CTNNA3: variants seen among roughly 807,000 people sequenced by gnomAD.
CTNNA3 encodes the protein catenin alpha 3, also known as catenin alpha-3.
CTNNA3 carries 76 observed loss-of-function variants against 95.7 expected under a neutral mutation model. The observed-to-expected ratio is 0.79, with a 90% confidence interval of 0.66 to 0.96. CTNNA3 has a LOEUF of 0.96. Among genes scored for constraint, CTNNA3 ranks in the 40% least tolerant of loss-of-function variants. The pLI, the probability that CTNNA3 is intolerant of heterozygous loss-of-function variation, is 0.00. For missense variants in CTNNA3, 1,191 were observed against 1,089.8 expected, an observed-to-expected ratio of 1.09 and a Z score of -1.31; for synonymous variants, 431 against 374.4, an observed-to-expected ratio of 1.15 and a Z score of -1.74.
At chr10:66,800,033 T>C (rs1841368646) in intron 7 of CTNNA3, among the ~76,000 whole-genome samples, 1 of 151,334 alleles carries the variant, frequency 6.6e-6, no homozygotes, top group Non-Finnish European at 1.5e-5. Flanking sequence ...GAGAATTAGT[T>C]CTAGATATCA....
chr10:67,065,365 CT>C (rs1356770149), intron 7 of CTNNA3, among the ~76,000 whole-genome samples: 1 of 151,982 alleles, frequency 6.6e-6, no homozygotes, highest in Non-Finnish European at 1.5e-5. Flanking sequence ...AATGAGGAGG[CT>C]TTATAATTAA....
chr10:67,084,792 A>G (rs1857215820), intron 7 of CTNNA3, among the ~76,000 whole-genome samples: 1 of 152,004 alleles, frequency 6.6e-6, no homozygotes, highest in Non-Finnish European at 1.5e-5. Context: ...ATCTGCCTAG[A>G]CTACGTTTAT....
chr10:66,457,719 C>A (rs907473890), intron 11 of CTNNA3, among the ~76,000 whole-genome samples: 2 of 151,550 alleles, frequency 1.3e-5, no homozygotes, highest in African/African-American at 4.9e-5. Flanking sequence ...GATACCCAAG[C>A]CCCTTATCTC....
At chr10:66,662,981 A>G (rs923358030) in intron 9 of CTNNA3, among the ~76,000 whole-genome samples, 2 of 152,104 alleles carry the variant, frequency 1.3e-5, no homozygotes, top group African/African-American at 4.8e-5. Flanking sequence ...AACCCACTCC[A>G]GTCAAGATTT....
chr10:66,362,527 A>G (rs1329051760), intron 12 of CTNNA3, among the ~76,000 whole-genome samples: 1 of 151,962 alleles, frequency 6.6e-6, no homozygotes, highest in Non-Finnish European at 1.5e-5. Context: ...CCTGGCCAAC[A>G]TGCTGAAACC....
intron 7 of CTNNA3, among the ~76,000 whole-genome samples, chr10:66,777,449 C>A (rs1012757974): frequency 9.2e-5 from 14 of 151,712 alleles, no homozygotes; most frequent in African/African-American, 3.2e-4. Context: ...TTTCTATGAG[C>A]ACTAATAACA....
chr10:66,763,829 C>CTTACTAGCTAGCTGTG, intron 9 of CTNNA3, among the ~76,000 whole-genome samples: 1 of 152,182 alleles, frequency 6.6e-6, no homozygotes, highest in East Asian at 1.9e-4. Context: ...CAGCTAAGCC[C>CTTACTAGCTAGCTGTG]CCAACTGACA....
intron 7 of CTNNA3, among the ~76,000 whole-genome samples, chr10:67,148,159 G>A (rs1458182648): frequency 6.6e-6 from 1 of 152,098 alleles, no homozygotes; most frequent in Admixed American, 6.6e-5. Context: ...TCCCACTGGG[G>A]AAAAATTGGA....
intron 6 of CTNNA3, among the ~76,000 whole-genome samples, chr10:67,212,717 C>A (rs1250907818): frequency 6.6e-6 from 1 of 151,794 alleles, no homozygotes; most frequent in Non-Finnish European, 1.5e-5. Flanking sequence ...TAGTTTTTCT[C>A]TTCTAACTTG....
At chr10:65,922,557 A>T (rs1213444729) in intron 17 of CTNNA3, among the ~76,000 whole-genome samples, 2 of 152,226 alleles carry the variant, frequency 1.3e-5, no homozygotes, top group African/African-American at 4.8e-5. Context: ...AACAAATCAC[A>T]TTATAGGTTC....
At chr10:67,583,598 G>T (rs1842499698) in intron 3 of CTNNA3, among the ~76,000 whole-genome samples, 2 of 152,152 alleles carry the variant, frequency 1.3e-5, no homozygotes, top group Non-Finnish European at 2.9e-5. Flanking sequence ...GAATTTGAAT[G>T]TTGGCCTGCC....
chr10:66,120,111 C>A (rs2082515296), intron 13 of CTNNA3, among the ~76,000 whole-genome samples: 1 of 152,102 alleles, frequency 6.6e-6, no homozygotes, highest in Non-Finnish European at 1.5e-5. Flanking sequence ...ATTTTATCTT[C>A]CTTCTCTTTT....
intron 5 of CTNNA3, among the ~76,000 whole-genome samples, chr10:67,229,116 C>T (rs1386726598): frequency 6.6e-6 from 1 of 152,032 alleles, no homozygotes; most frequent in East Asian, 1.9e-4. Context: ...AAAGATAATC[C>T]ACCATGCTCA....
intron 10 of CTNNA3, among the ~76,000 whole-genome samples, chr10:66,600,948 C>T (rs987387025): frequency 6.6e-6 from 1 of 151,760 alleles, no homozygotes; most frequent in South Asian, 2.1e-4. Context: ...TGAAATAATT[C>T]TAAAACCAAG....
chr10:66,539,031 C>A (rs2132071365), intron 10 of CTNNA3, among the ~76,000 whole-genome samples: 1 of 152,148 alleles, frequency 6.6e-6, no homozygotes, highest in South Asian at 2.1e-4. Context: ...TTGTTGTCAT[C>A]ATTGCTGTTA....
At chr10:67,401,592 C>A (rs529943711) in intron 5 of CTNNA3, among the ~76,000 whole-genome samples, 6 of 152,216 alleles carry the variant, frequency 3.9e-5, no homozygotes, top group Admixed American at 1.3e-4. Flanking sequence ...CCTAAGGGAG[C>A]CCCGTGGCCC....
intron 2 of CTNNA3, among the ~76,000 whole-genome samples, chr10:67,642,690 C>G (rs967553035): frequency 2.0e-5 from 3 of 151,358 alleles, no homozygotes; most frequent in Non-Finnish European, 4.4e-5. Flanking sequence ...GCACTCCAGC[C>G]TGGGTGACAG....
intron 9 of CTNNA3, among the ~76,000 whole-genome samples, chr10:66,641,123 G>A (rs1036814520): frequency 1.3e-5 from 2 of 152,094 alleles, no homozygotes; most frequent in African/African-American, 4.8e-5. Context: ...TGTCATATAA[G>A]TGTTAAGTTA....
At chr10:66,455,003 C>G (rs2093487032) in intron 11 of CTNNA3, among the ~76,000 whole-genome samples, 1 of 151,402 alleles carries the variant, frequency 6.6e-6, no homozygotes, top group South Asian at 2.1e-4. Context: ...TATTAATAGT[C>G]TAATGAAAAA....
Sources: allele counts gnomAD v4.1 joint callset (sites outside exome capture counted in the v4.1 genomes callset), GRCh38; gene constraint gnomAD v4.1.1; transcripts MANE v1.5; gene names NCBI Gene and HGNC (gene_info 2026-07-23, HGNC 2026-07-21).